The following INTS6 variants were observed in gnomAD, a reference collection of about 807,000 sequenced individuals.
The protein encoded by INTS6 is DEAD box protein.
A neutral mutation model predicts 104.9 loss-of-function variants in INTS6; 16 were observed. The ratio of observed to expected loss-of-function variants is 0.15; its 90% CI spans 0.10 to 0.23. INTS6 has a LOEUF of 0.23. INTS6 is among the 10% of genes least tolerant of loss of function. The pLI is 1.00. For missense variants in INTS6, 584 were observed against 1,062.8 expected (o/e 0.55, Z 6.26); for synonymous variants, 324 against 358.7 (o/e 0.90, Z 1.09).
intron 3 of INTS6, chr13:51,442,428 G>T (rs746311046): frequency 3.3e-5 from 5 of 152,242 alleles, no homozygotes; most frequent in African/African-American, 4.8e-5. Context: ...ATGAACCATC[G>T]CATCTGGCCA....
At chr13:51,341,921 G>A in the INTS6 span, among the ~76,000 whole-genome samples, 1 of 152,288 alleles carries the variant, frequency 6.6e-6, no homozygotes, top group Non-Finnish European at 1.5e-5. Flanking sequence ...TGACCAACCT[G>A]CTTTTATAAA....
chr13:51,434,435 A>G (rs890694666), intron 3 of INTS6, among the ~76,000 whole-genome samples: 6 of 152,172 alleles, frequency 3.9e-5, no homozygotes, highest in African/African-American at 1.4e-4. Context: ...ATAGAAAAGA[A>G]AAAAGAAAAA....
chr13:51,369,731 C>T (rs1955768920), intron 15 of INTS6, among the ~76,000 whole-genome samples: 1 of 152,128 alleles, frequency 6.6e-6, no homozygotes, highest in Non-Finnish European at 1.5e-5. Flanking sequence ...CAAAAGTAAA[C>T]ACTGGGTAGT....
Position 51,414,374 on chromosome 13 carries a change from CA to C in INTS6, c.429+15919del, listed in dbSNP as rs1237859406. ...CAATATCCTAAAAAATATACCTTGC[CA>C]GAAGCTTTTCAGAATCCTTGAAGGT... On this transcript the variant is annotated intron_variant, in intron 4 of 17. Transcript: ENST00000311234. Among the ~76,000 whole-genome samples, 3 of 152,260 alleles carry C rather than the reference CA, an allele frequency of 2.0e-5. No individual in the cohort carries two copies. In the East Asian group the frequency reaches 5.8e-4, roughly 29 times the overall value.
intron 3 of INTS6, among the ~76,000 whole-genome samples, chr13:51,355,920 T>G (rs911719014): frequency 6.6e-6 from 1 of 152,196 alleles, no homozygotes; most frequent in African/African-American, 2.4e-5. Flanking sequence ...CCTTGACATT[T>G]CCCTTACCTG....
At position 51,452,020 on chromosome 13, in the gene INTS6, C is replaced by T; in HGVS notation, c.147G>A (p.Arg49=). 1 of 1,610,620 alleles carries T rather than the reference C, an allele frequency of 6.2e-7. No individual in the cohort carries two copies. Among genetic ancestry groups the T allele is most frequent in the Non-Finnish European group, 8.5e-7 (1 of 1,178,098 alleles). The part of the protein sequence containing the change: ...RARDPASRGD[R]YMLVTFEEPP... Reference sequence around the variant, plus strand: ...GCTCTTCGAAAGTGACCAGCATATACCTGTCTCCTCTGCTGGCAGGGTCCC... The same window carrying T: ...GCTCTTCGAAAGTGACCAGCATATATCTGTCTCCTCTGCTGGCAGGGTCCC... The change falls in exon 2 of 18, where the codon AGG becomes AGA. Residue 49 remains arginine, a synonymous_variant. Transcript: ENST00000311234. The surrounding 1 kb of genome is among the most constrained non-coding windows in gnomAD (Gnocchi z 4.2).
At chr13:51,433,625 AC>A (rs1386243263) in intron 3 of INTS6, among the ~76,000 whole-genome samples, 5 of 152,382 alleles carry the variant, frequency 3.3e-5, no homozygotes, top group Admixed American at 1.3e-4. Context: ...GAAAGGTAAT[AC>A]TTTTTAAAGG....
chr13:51,358,631 A>G (rs1175370258), downstream of INTS6, among the ~76,000 whole-genome samples: 2 of 152,130 alleles, frequency 1.3e-5, no homozygotes. Context: ...TACTAAACAC[A>G]TTAATGTACC....
At chr13:51,428,474 G>A (rs570640161) in intron 4 of INTS6, among the ~76,000 whole-genome samples, 11 of 151,792 alleles carry the variant, frequency 7.2e-5, no homozygotes, top group South Asian at 4.2e-4. Flanking sequence ...ACAGGTGTGC[G>A]CCACCACGCC....
chr13:51,360,617 A>G (rs1164829347), downstream of INTS6, among the ~76,000 whole-genome samples: 1 of 152,090 alleles, frequency 6.6e-6, no homozygotes, highest in Non-Finnish European at 1.5e-5. Context: ...CTGTTAGCAC[A>G]TAGAACATTT....
chr13:51,362,243 TTTC>T lies in INTS6; in HGVS notation c.*3506_*3508del, dbSNP rs1955593101. On this transcript the variant is annotated 3_prime_UTR_variant, in exon 18 of 18. Coordinates refer to ENST00000311234, the MANE Select transcript of INTS6 (RefSeq NM_012141.3). ...CCCTTTTTTCCCTTTGTCCCCTAGC[TTTC>T]TTATCATTTTAGAGTTTTTTCAGGT... 4.8e-6 allele frequency: 2 copies of T among 420,104 alleles called. No individual in the cohort carries two copies. Among genetic ancestry groups the T allele is most frequent in the African/African-American group, 4.2e-5 (2 of 47,262 alleles). 26.0% of individuals were successfully genotyped at this position (420,104 alleles called of 1,614,324 possible).
the INTS6 span, among the ~76,000 whole-genome samples, chr13:51,342,753 T>C: frequency 6.6e-6 from 1 of 152,198 alleles, no homozygotes; most frequent in Admixed American, 6.5e-5. Flanking sequence ...AGTGTTTCAA[T>C]TCTTCTCTGC....
chr13:51,447,463 C>T (rs1226406016), intron 3 of INTS6: 1 of 151,988 alleles, frequency 6.6e-6, no homozygotes, highest in Non-Finnish European at 1.5e-5. Flanking sequence ...TGATATTGTA[C>T]GAAAGCCACC....
intron 4 of INTS6, among the ~76,000 whole-genome samples, chr13:51,417,388 C>T (rs1442777425): frequency 6.6e-6 from 1 of 150,750 alleles, no homozygotes; most frequent in Admixed American, 6.6e-5. Context: ...GGTAGAGGTT[C>T]AATTTCATTC....
At chr13:51,438,442 G>A (rs1224094217) in intron 3 of INTS6, 1 of 151,890 alleles carries the variant, frequency 6.6e-6, no homozygotes. Context: ...AGAAGCAGAT[G>A]TCACATACGG....
intron 4 of INTS6, among the ~76,000 whole-genome samples, chr13:51,401,216 T>C (rs549776323): frequency 6.6e-6 from 1 of 151,932 alleles, no homozygotes; most frequent in African/African-American, 2.4e-5. Context: ...TGCAAGAAGG[T>C]AGACTACTTC....
chr13:51,416,305 G>GAA (rs1956785525), intron 4 of INTS6, among the ~76,000 whole-genome samples: 3 of 152,172 alleles, frequency 2.0e-5, no homozygotes, highest in Non-Finnish European at 4.4e-5. Context: ...GCTGAACCAG[G>GAA]AAGTCAGAGT....
At chr13:51,442,747 C>G (rs968176474) in intron 3 of INTS6, 3 of 152,214 alleles carry the variant, frequency 2.0e-5, no homozygotes, top group African/African-American at 7.2e-5. Context: ...TCCTATGAGA[C>G]TCTAACGCCT....
At chr13:51,441,098 C>T (rs1462629994) in intron 3 of INTS6, 3 of 152,114 alleles carry the variant, frequency 2.0e-5, no homozygotes, top group Non-Finnish European at 4.4e-5. Context: ...GGTATAATCA[C>T]AATTCTATGG....
Sources: allele counts gnomAD v4.1 joint callset (sites outside exome capture counted in the v4.1 genomes callset), GRCh38; gene constraint gnomAD v4.1.1; non-coding constraint Gnocchi (gnomAD v3.1); transcripts MANE v1.5; gene names NCBI Gene and HGNC (gene_info 2026-07-23, HGNC 2026-07-21).